SCRN1: variants seen among roughly 807,000 people sequenced by gnomAD.
SCRN1 encodes the protein secernin 1.
Under a neutral mutation model 43.3 loss-of-function variants are expected in SCRN1, and 19 were observed. The observed-to-expected ratio is 0.44, with a 90% CI of 0.31 to 0.64. SCRN1 has a LOEUF of 0.64. Ranked by LOEUF, SCRN1 falls within the 30% of genes least tolerant of loss-of-function variation. The pLI is 0.09. For synonymous variants in SCRN1, 183 were observed against 188.9 expected, an observed-to-expected ratio of 0.97 and a Z score of 0.26; for missense variants, 447 against 524.1, an observed-to-expected ratio of 0.85 and a Z score of 1.44.
At chr7:29,926,699 C>A in intron 6 of SCRN1, 67 bp from the exon 7 acceptor site, 4 of 1,231,768 alleles carry the variant, frequency 3.2e-6, no homozygotes, top group Non-Finnish European at 3.3e-6. Context: ...AGAGACTGTC[C>A]TTTTATTCAG....
Position 29,950,242 on chromosome 7 carries a change from C to T in SCRN1, c.341+4937G>A, listed in dbSNP as rs370028462. Reference sequence around the variant, plus strand: ...AGTGCAGAGCAAAGTTGTGGCTGAGCCCAGGTGCTATTGCAACCTGGCTGG... The same window carrying T: ...AGTGCAGAGCAAAGTTGTGGCTGAGTCCAGGTGCTATTGCAACCTGGCTGG... On this transcript the variant is annotated intron_variant, in intron 3 of 7. Coordinates refer to ENST00000242059, the MANE Select transcript of SCRN1 (RefSeq NM_014766.5). This position sits in a 1 kb window ranked among gnomAD's most constrained non-coding sequence, Gnocchi z 4.5. 1.5e-3 allele frequency among the ~76,000 whole-genome samples: 235 copies of T among 152,334 alleles called. 2 individuals are homozygous for T. The highest frequency in any genetic ancestry group is 5.5e-3 in the African/African-American group (228 of 41,582).
intron 2 of SCRN1, among the ~76,000 whole-genome samples, chr7:29,961,722 CGCCGGG>C (rs1788320765): frequency 7.5e-6 from 1 of 133,976 alleles, no homozygotes; most frequent in African/African-American, 2.7e-5. Context: ...CAGTAGGGGC[CGCCGGG>C]CAGAGGCGCC....
chr7:29,927,874 A>T (rs1042920229), intron 6 of SCRN1, among the ~76,000 whole-genome samples: 11 of 152,128 alleles, frequency 7.2e-5, no homozygotes, highest in Admixed American at 1.3e-4. Context: ...TAATCCCAGC[A>T]TTTTGGGAGG....
At chr7:29,974,740 G>A (rs1362566956) in intron 1 of SCRN1, among the ~76,000 whole-genome samples, 3 of 145,152 alleles carry the variant, frequency 2.1e-5, no homozygotes, top group African/African-American at 5.2e-5. Flanking sequence ...CTGGAGTACA[G>A]TGGCGCGATC....
chr7:29,937,181 A>G (rs1422394099), intron 5 of SCRN1, among the ~76,000 whole-genome samples: 3 of 152,252 alleles, frequency 2.0e-5, no homozygotes, highest in Non-Finnish European at 4.4e-5. Flanking sequence ...GTAACTACCA[A>G]ACTACAGTCT....
chr7:29,969,110 T>A (rs747848134), intron 1 of SCRN1, 42 bp from the exon 2 acceptor site: 42 of 1,592,316 alleles, frequency 2.6e-5, no homozygotes, highest in Non-Finnish European at 3.4e-5. Context: ...AGGCCTCACA[T>A]GGAACACTCC....
chr7:29,969,771 G>T (rs944763009), intron 1 of SCRN1: 5 of 455,354 alleles, frequency 1.1e-5, no homozygotes, highest in African/African-American at 4.0e-5. Context: ...ACATGCTGAT[G>T]ACTTACACAT....
At chr7:29,963,011 C>T (rs535534311) in intron 2 of SCRN1, among the ~76,000 whole-genome samples, 6 of 151,238 alleles carry the variant, frequency 4.0e-5, no homozygotes, top group Admixed American at 2.0e-4. Context: ...AACTGAGACC[C>T]GGAGTCACAG....
intron 5 of SCRN1, among the ~76,000 whole-genome samples, chr7:29,939,055 A>C (rs781762212): frequency 6.6e-6 from 1 of 151,958 alleles, no homozygotes; most frequent in African/African-American, 2.4e-5. Context: ...ATCTTTCACC[A>C]AGCTAGTTTT....
chr7:29,984,203 CCA>C (rs1491127198), intron 1 of SCRN1, among the ~76,000 whole-genome samples: 2 of 52,402 alleles, frequency 3.8e-5, no homozygotes, highest in Admixed American at 2.5e-4. Context: ...GAGACAGTCT[CCA>C]AAAAAAAAAA....
chr7:29,947,226 T>A, intron 3 of SCRN1: 1 of 1,550,644 alleles, frequency 6.4e-7, no homozygotes, highest in Non-Finnish European at 8.7e-7. Flanking sequence ...TGAATTCAAT[T>A]CCTAGTTTTA....
At chr7:29,974,107 T>C (rs11975017) in intron 1 of SCRN1, among the ~76,000 whole-genome samples, 27,663 of 152,142 alleles carry the variant, frequency 0.18, 2,643 homozygotes, top group African/African-American at 0.24. Flanking sequence ...ATATTCTTTG[T>C]TTTTTCATCT....
chr7:29,957,481 C>A (rs1185089542), intron 2 of SCRN1, among the ~76,000 whole-genome samples: 1 of 152,210 alleles, frequency 6.6e-6, no homozygotes, highest in Non-Finnish European at 1.5e-5. Flanking sequence ...AACTGATGGA[C>A]TTATTACATG....
intron 4 of SCRN1, among the ~76,000 whole-genome samples, chr7:29,943,319 T>A (rs1787619311): frequency 6.6e-6 from 1 of 152,124 alleles, no homozygotes; most frequent in Non-Finnish European, 1.5e-5. Context: ...GAAATGAGGA[T>A]GCTGAGGTGG....
At chr7:29,972,792 A>C (rs1218684675) in intron 1 of SCRN1, among the ~76,000 whole-genome samples, 1 of 152,238 alleles carries the variant, frequency 6.6e-6, no homozygotes, top group Non-Finnish European at 1.5e-5. Context: ...ATTTTCTACA[A>C]TGATGGAAAT....
chr7:29,960,703 T>TAC (rs1020431308), intron 2 of SCRN1, among the ~76,000 whole-genome samples: 11 of 151,726 alleles, frequency 7.2e-5, no homozygotes, highest in East Asian at 1.9e-4. Context: ...CATGCATGCA[T>TAC]ACACACACAC....
intron 2 of SCRN1, 96 bp downstream of exon 2, chr7:29,968,813 T>A (rs1197421497): frequency 6.8e-7 from 1 of 1,469,408 alleles, no homozygotes; most frequent in African/African-American, 1.4e-5. Context: ...TAGCTCTGAC[T>A]TGTGAGCAAG....
intron 7 of SCRN1, among the ~76,000 whole-genome samples, chr7:29,924,598 G>A (rs1786879962): frequency 6.6e-6 from 1 of 152,166 alleles, no homozygotes; most frequent in Admixed American, 6.5e-5. Context: ...CCCCTGCCAT[G>A]GGCGCTGTCT....
Position 29,921,918 on chromosome 7 carries a change from G to C in SCRN1, c.*2039C>G, listed in dbSNP as rs553033428. The stretch of plus-strand genomic sequence containing the variant: ...GGTCTGATGAGACATTTCATAGTAG[G>C]CGAAGGTGAAATCACTCAGTGAGAT... On this transcript the variant is annotated 3_prime_UTR_variant, in exon 8 of 8. Coordinates refer to ENST00000242059, the MANE Select transcript of SCRN1 (RefSeq NM_014766.5). 6.6e-6 allele frequency: 1 copy of C among 152,296 alleles called. No homozygotes were observed. The highest frequency in any genetic ancestry group is 2.1e-4 in the South Asian group (1 of 4,816). The allele number at this position is 152,296 out of a possible 1,614,324, so 9.4% of individuals were successfully genotyped here. A position where few individuals can be genotyped will look rare whatever the true frequency, so the allele number is the denominator to read the frequency against.
Sources: gnomAD v4.1 joint callset for allele counts (sites outside exome capture counted in the v4.1 genomes callset) on GRCh38, gnomAD v4.1.1 for gene constraint, Gnocchi (gnomAD v3.1) non-coding constraint, MANE v1.5 for transcripts, NCBI Gene and HGNC (gene_info 2026-07-23, HGNC 2026-07-21) for gene names.